Variants in TRIO observed in about 807,000 individuals in gnomAD.
The protein encoded by TRIO is trio Rho guanine nucleotide exchange factor.
A neutral mutation model predicts 351.9 loss-of-function variants in TRIO; 58 were observed. The observed-to-expected ratio is 0.16, with a 90% CI of 0.13 to 0.21. The LOEUF is 0.21. TRIO is among the 10% of genes least tolerant of loss of function. The pLI is 1.00. For synonymous variants in TRIO, 1,758 were observed against 1,595.7 expected (o/e 1.10, Z -2.42); for missense variants, 3,201 against 4,027.8 (o/e 0.79, Z 5.56).
intron 11 of TRIO, among the ~76,000 whole-genome samples, chr5:14,357,061 T>G (rs1743676096): frequency 6.6e-6 from 1 of 152,242 alleles, no homozygotes; most frequent in Non-Finnish European, 1.5e-5. Context: ...TTGGACACTT[T>G]ACATTTGTGC....
At chr5:14,446,956 C>T (rs973832736) in intron 34 of TRIO, among the ~76,000 whole-genome samples, 5 of 152,168 alleles carry the variant, frequency 3.3e-5, no homozygotes, top group African/African-American at 4.8e-5. Context: ...AGTGGCTGGG[C>T]GTGGTGGCTC....
intron 41 of TRIO, 47 bp downstream of exon 41, chr5:14,477,010 T>G (rs1304127819): frequency 1.1e-5 from 17 of 1,531,232 alleles, no homozygotes; most frequent in Non-Finnish European, 1.5e-5. Context: ...GGTGTCATCC[T>G]TAGTCACTGG....
At chr5:14,367,636 G>A (rs1358321890) in intron 16 of TRIO, among the ~76,000 whole-genome samples, 4 of 152,156 alleles carry the variant, frequency 2.6e-5, no homozygotes, top group Non-Finnish European at 5.9e-5. Flanking sequence ...GGGCACATGG[G>A]TCATGGTTCT....
At chr5:14,500,238 T>G (rs1326736612) in intron 53 of TRIO, among the ~76,000 whole-genome samples, 1 of 152,134 alleles carries the variant, frequency 6.6e-6, no homozygotes, top group African/African-American at 2.4e-5. Context: ...GAAGCCACTT[T>G]GTTTGCAGGC....
intron 1 of TRIO, among the ~76,000 whole-genome samples, chr5:14,238,608 C>T (rs566574558): frequency 1.9e-4 from 29 of 152,182 alleles, no homozygotes; most frequent in East Asian, 5.8e-4. Flanking sequence ...TAATAGCAGA[C>T]GATATTAAAG....
intron 10 of TRIO, among the ~76,000 whole-genome samples, chr5:14,332,923 T>G (rs1054735977): frequency 6.6e-6 from 1 of 152,166 alleles, no homozygotes; most frequent in Admixed American, 6.5e-5. Context: ...GATCTTTTGG[T>G]GAATACTAGC....
At chr5:14,158,423 C>CA (rs575233067) in intron 1 of TRIO, among the ~76,000 whole-genome samples, 225 of 124,248 alleles carry the variant, frequency 1.8e-3, no homozygotes, top group East Asian at 3.3e-3. Flanking sequence ...GACTCCGCCT[C>CA]AAAAAAAAAA....
chr5:14,225,140 A>G (rs1331212511), intron 1 of TRIO, among the ~76,000 whole-genome samples: 1 of 152,154 alleles, frequency 6.6e-6, no homozygotes, highest in African/African-American at 2.4e-5. Flanking sequence ...GTAGAGAATC[A>G]GTGTAGAGTT....
chr5:14,255,807 A>T (rs1794992193), intron 1 of TRIO, among the ~76,000 whole-genome samples: 1 of 152,142 alleles, frequency 6.6e-6, no homozygotes, highest in Non-Finnish European at 1.5e-5. Flanking sequence ...GGAATTTTCC[A>T]CTTGTGGTAG....
chr5:14,227,158 A>G (rs1793096859), intron 1 of TRIO, among the ~76,000 whole-genome samples: 1 of 152,224 alleles, frequency 6.6e-6, no homozygotes, highest in Non-Finnish European at 1.5e-5. Context: ...CCGCACCCGC[A>G]GTCCTTGAGG....
chr5:14,277,803 A>G (rs139804175), intron 2 of TRIO, among the ~76,000 whole-genome samples: 381 of 152,304 alleles, frequency 2.5e-3, no homozygotes, highest in Middle Eastern at 0.02. Context: ...TTTAGCGACC[A>G]TGTTCCTCTG....
intron 27 of TRIO, 30 bp downstream of exon 27, chr5:14,391,020 A>G (rs944133604): frequency 1.9e-6 from 3 of 1,543,832 alleles, no homozygotes; most frequent in Admixed American, 4.2e-5. Context: ...AGAGACCATA[A>G]TTTTCCAAGT....
rs373649403 is a variant in TRIO at position 14,474,131 on chromosome 5, A to G, written c.6083+34A>G. On this transcript the variant is annotated intron_variant, in intron 40 of 56. Transcript: ENST00000344204. ...ACATGCATTGTGCCCGATGGTGTGC[A>G]AAGCAGCCACACTTGCTAAACCAAG... The G allele has an allele frequency of 1.9e-6, 3 of 1,591,870 alleles. No individual in the cohort carries two copies. The South Asian group carries it at 3.3e-5, about 18-fold the overall frequency.
chr5:14,340,351 T>A (rs1460285145), intron 11 of TRIO, among the ~76,000 whole-genome samples: 2 of 149,610 alleles, frequency 1.3e-5, no homozygotes, highest in Non-Finnish European at 3.0e-5. Context: ...GAGCCGAGAT[T>A]GTGCCACTGC....
intron 8 of TRIO, among the ~76,000 whole-genome samples, chr5:14,308,604 G>A (rs571910070): frequency 1.2e-4 from 17 of 142,766 alleles, no homozygotes; most frequent in South Asian, 1.1e-3. Context: ...TCATTGATGC[G>A]TTCATTCATC....
In TRIO at chr5:14,147,367, T is replaced by C. The variant is rs771272497; in HGVS notation, c.157+3485T>C. On this transcript the variant is annotated intron_variant, in intron 1 of 56. Transcript: ENST00000344204. ...TAGTTCTCAACCCCACTGGGACCAA[T>C]CATTTTTATTGCCAATCTATTTTGG... is the stretch of plus-strand genomic sequence containing the variant. Among the ~76,000 whole-genome samples, 3 of 152,104 alleles carry C rather than the reference T, an allele frequency of 2.0e-5. No individual in the cohort carries two copies. The South Asian group carries it at 6.2e-4, about 32-fold the overall frequency.
At chr5:14,244,863 A>T (rs979285525) in intron 1 of TRIO, among the ~76,000 whole-genome samples, 4 of 152,150 alleles carry the variant, frequency 2.6e-5, no homozygotes, top group African/African-American at 9.7e-5. Context: ...AGCACAGGGT[A>T]AATGAGGTTT....
intron 1 of TRIO, among the ~76,000 whole-genome samples, chr5:14,156,891 G>T (rs1466636442): frequency 7.9e-5 from 12 of 152,220 alleles, no homozygotes; most frequent in Admixed American, 3.3e-4. Flanking sequence ...ACTTTCTGGT[G>T]ATGTCGGAGC....
In TRIO at chr5:14,497,800, T is replaced by TA. The variant is rs754641522; in HGVS notation, c.8020-44dup. 1.2e-5 allele frequency: 19 copies of TA among 1,612,798 alleles called. No homozygotes were observed. The African/African-American group carries it at 2.5e-4, about 22-fold the overall frequency. ...GCCCTGGAATGAAAGGAATACACCT[T>TA]AAAGTAGCTCATTTCAGTTAATGCT... On this transcript the variant is annotated intron_variant, in intron 50 of 56. Transcript: ENST00000344204. This position sits in a 1 kb window ranked among gnomAD's most constrained non-coding sequence, Gnocchi z 4.4.
Sources: allele counts gnomAD v4.1 joint callset (sites outside exome capture counted in the v4.1 genomes callset), GRCh38; gene constraint gnomAD v4.1.1; non-coding constraint Gnocchi (gnomAD v3.1); transcripts MANE v1.5; gene names NCBI Gene and HGNC (gene_info 2026-07-23, HGNC 2026-07-21).